The following ZNF320 variants were observed in gnomAD, a reference collection of about 807,000 sequenced individuals.
The protein encoded by ZNF320 is zinc finger gene 320.
A neutral mutation model predicts 6.8 loss-of-function variants in ZNF320; 2 were observed. The ratio of observed to expected loss-of-function variants is 0.29; its 90% CI spans 0.12 to 0.93. ZNF320 has a LOEUF of 0.93. Ranked by LOEUF, ZNF320 falls within the 40% of genes least tolerant of loss-of-function variation. The pLI is 0.55. For synonymous variants in ZNF320, 208 were observed against 203.2 expected, an observed-to-expected ratio of 1.02 and a Z score of -0.20; for missense variants, 472 against 611.0, an observed-to-expected ratio of 0.77 and a Z score of 2.40.
At chr19:52,860,791 A>G, downstream of ZNF320, among the ~76,000 whole-genome samples, 1 of 152,134 alleles carries the variant, frequency 6.6e-6, no homozygotes. Flanking sequence ...ACATCTTAAG[A>G]TCATGACTCA....
chr19:52,892,513 G>A (rs528714217), intron 2 of ZNF320, among the ~76,000 whole-genome samples: 3 of 152,212 alleles, frequency 2.0e-5, no homozygotes, highest in African/African-American at 7.2e-5. Context: ...CACTTTGGGA[G>A]GTCAAGGCAG....
chr19:52,885,379 G>A (rs1300271528), intron 5 of ZNF320, among the ~76,000 whole-genome samples: 1 of 152,038 alleles, frequency 6.6e-6, no homozygotes, highest in African/African-American at 2.4e-5. Flanking sequence ...TCAAGGGTTC[G>A]AGACCAGCCT....
chr19:52,892,883 C>T lies in ZNF320; in HGVS notation c.-192+896G>A, dbSNP rs58083553. On this transcript the variant is annotated intron_variant, in intron 2 of 5. Coordinates refer to ENST00000682928, the MANE Select transcript of ZNF320 (RefSeq NM_001351774.2). ...CTGGCTCCAAATCCCTCCTCCTCTC[C>T]CTCACTCTGATGAGACTCCCTCTTT... Among the ~76,000 whole-genome samples the T allele has an allele frequency of 1.1e-3, 170 of 151,318 alleles. 2 individuals are homozygous for T. Among genetic ancestry groups the T allele is most frequent in the African/African-American group, 3.9e-3 (159 of 41,158 alleles).
At chr19:52,874,694 G>C (rs148365768), downstream of ZNF320, among the ~76,000 whole-genome samples, 78 of 152,240 alleles carry the variant, frequency 5.1e-4, 1 homozygote, top group East Asian at 0.014. Context: ...GAATCACACA[G>C]AACAGGCAAC....
upstream of ZNF320, among the ~76,000 whole-genome samples, chr19:52,899,916 A>T (rs1196437662): frequency 2.0e-5 from 3 of 152,214 alleles, no homozygotes; most frequent in Non-Finnish European, 4.4e-5. Context: ...TCTTGTGTCT[A>T]AGTGGCAGGC....
At chr19:52,896,467 G>C (rs1225300464) in intron 1 of ZNF320, among the ~76,000 whole-genome samples, 1 of 152,116 alleles carries the variant, frequency 6.6e-6, no homozygotes, top group Non-Finnish European at 1.5e-5. Flanking sequence ...CCAGCATTTT[G>C]GGAGGGCGAT....
chr19:52,865,571 A>ATGTT (rs1212808786), intron 5 of ZNF320: 1 of 91,836 alleles, frequency 1.1e-5, no homozygotes, highest in African/African-American at 4.7e-5. Context: ...GATCATACAT[A>ATGTT]TATATTTATA....
chr19:52,901,265 T>C (rs1199398121), upstream of ZNF320, among the ~76,000 whole-genome samples: 1 of 152,210 alleles, frequency 6.6e-6, no homozygotes, highest in East Asian at 1.9e-4. Flanking sequence ...ATCTTTTGTC[T>C]AACTTCAGTG....
In ZNF320 at chr19:52,881,815, T is replaced by C; in HGVS notation, c.311A>G (p.Asp104Gly). The change falls in exon 6 of 6, where the codon GAT becomes GGT. Residue 104 changes from aspartate to glycine, a missense_variant. Coordinates refer to ENST00000682928, the MANE Select transcript of ZNF320 (RefSeq NM_001351774.2). ...IHDFVFQWQE[D>G]ETNDHEAPMT... ...GGGTGCTTCATGGTCATTTGTTTCATCTTCTTGCCACTGAAACACAAAGTC... is the reference window on the plus strand; with the variant it reads ...GGGTGCTTCATGGTCATTTGTTTCACCTTCTTGCCACTGAAACACAAAGTC... 1 of 1,613,886 alleles carries C rather than the reference T, an allele frequency of 6.2e-7. No individual in the cohort carries two copies.
At position 52,890,036 on chromosome 19, in the gene ZNF320, C is replaced by T. The variant is rs139395657; in HGVS notation, c.15+205G>A. ...GTGTGAGTCCTTCCCAGGACCATGC[C>T]CAGTGCAGCCTCTTCCCAACTTCAT... On this transcript the variant is annotated intron_variant, in intron 4 of 5. Transcript: ENST00000682928. Among the ~76,000 whole-genome samples, 92 of 152,198 alleles carry T rather than the reference C, an allele frequency of 6.0e-4. No homozygotes were observed. In the South Asian group the frequency reaches 0.018, roughly 30 times the overall value.
exon 6 of ZNF320, chr19:52,862,274 C>T (rs1421064836): frequency 3.2e-5 from 22 of 684,456 alleles, no homozygotes; most frequent in South Asian, 3.1e-4. Context: ...TGTAAGGTTT[C>T]TCTCCAGGGT....
intron 2 of ZNF320, among the ~76,000 whole-genome samples, chr19:52,892,712 C>T (rs78285708): frequency 0.083 from 12,599 of 151,998 alleles, 616 homozygotes; most frequent in East Asian, 0.15. Context: ...CATCTCTGTG[C>T]ATCCTCTGCT....
chr19:52,862,321 CA>C, exon 6 of ZNF320: 1 of 534,190 alleles, frequency 1.9e-6, no homozygotes, highest in Non-Finnish European at 3.7e-6. Flanking sequence ...GAATCACACC[CA>C]AAATCCTTAT....
At chr19:52,872,148 G>A (rs535568751), downstream of ZNF320, among the ~76,000 whole-genome samples, 2 of 152,100 alleles carry the variant, frequency 1.3e-5, no homozygotes, top group African/African-American at 2.4e-5. Context: ...TTGTTCCATT[G>A]CACTCCAGAA....
At chr19:52,869,103 C>T (rs58267319) in intron 5 of ZNF320, among the ~76,000 whole-genome samples, 27,067 of 146,302 alleles carry the variant, frequency 0.19, 2,069 homozygotes, top group Non-Finnish European at 0.23. Context: ...TGTGCATGCA[C>T]CTCTGTGGGA....
At chr19:52,860,153 G>C (rs1453078846), downstream of ZNF320, among the ~76,000 whole-genome samples, 1 of 151,966 alleles carries the variant, frequency 6.6e-6, no homozygotes, top group African/African-American at 2.4e-5. Flanking sequence ...ACCTTGTGAT[G>C]CTCCCGCCTC....
At chr19:52,892,180 T>C (rs35386187) in intron 2 of ZNF320, 23,045 of 144,258 alleles carry the variant, frequency 0.16, 1,838 homozygotes, top group East Asian at 0.29. Context: ...GCCTGAGCAA[T>C]ATGGAGAAAC....
At chr19:52,869,353 T>G (rs2063637616) in intron 5 of ZNF320, among the ~76,000 whole-genome samples, 1 of 152,020 alleles carries the variant, frequency 6.6e-6, no homozygotes, top group South Asian at 2.1e-4. Context: ...ATATACCAAG[T>G]ATAGATTCCA....
intron 5 of ZNF320, among the ~76,000 whole-genome samples, chr19:52,870,936 G>A (rs1366628047): frequency 6.6e-6 from 1 of 151,900 alleles, no homozygotes; most frequent in Non-Finnish European, 1.5e-5. Flanking sequence ...CACAAGGTCA[G>A]GATTTCCCGA....
Sources: gnomAD v4.1 joint callset for allele counts (sites outside exome capture counted in the v4.1 genomes callset) on GRCh38, gnomAD v4.1.1 for gene constraint, MANE v1.5 for transcripts, NCBI Gene and HGNC (gene_info 2026-07-23, HGNC 2026-07-21) for gene names.